The following MAPKAP1 variants were observed in gnomAD, a reference collection of about 807,000 sequenced individuals.
MAPKAP1 encodes the protein target of rapamycin complex 2 subunit MAPKAP1.
Under a neutral mutation model 65.7 loss-of-function variants are expected in MAPKAP1, and 20 were observed. The observed-to-expected ratio is 0.30, with a 90% CI of 0.21 to 0.44. The LOEUF is 0.44. Ranked by LOEUF, MAPKAP1 falls within the 20% of genes least tolerant of loss-of-function variation. The pLI, the probability that MAPKAP1 is intolerant of heterozygous loss-of-function variation, is 1.00. For synonymous variants in MAPKAP1, 222 were observed against 244.3 expected (o/e 0.91, Z 0.85); for missense variants, 423 against 648.0 (o/e 0.65, Z 3.77).
chr9:125,676,781 T>C (rs957303871), intron 1 of MAPKAP1, among the ~76,000 whole-genome samples: 1 of 152,268 alleles, frequency 6.6e-6, no homozygotes, highest in Admixed American at 6.5e-5. Context: ...TTATCATTTA[T>C]ACCATGTATA....
At chr9:125,659,104 A>G (rs1834114737) in intron 3 of MAPKAP1, among the ~76,000 whole-genome samples, 1 of 152,234 alleles carries the variant, frequency 6.6e-6, no homozygotes, top group Non-Finnish European at 1.5e-5. Context: ...TAATTCAATT[A>G]AAGTAATATT....
In MAPKAP1 at chr9:125,527,080, T is replaced by G. The variant is rs534310445; in HGVS notation, c.958+15979A>C. ...TAGTGTTTTTTTTGTTTGTTTTTTT[T>G]GGGGGATGTAGTCTCACTCTGTCAC... On this transcript the variant is annotated intron_variant, in intron 7 of 11. Coordinates refer to ENST00000265960, the MANE Select transcript of MAPKAP1 (RefSeq NM_001006617.3). 3.3e-3 allele frequency among the ~76,000 whole-genome samples: 506 copies of G among 151,440 alleles called. 3 individuals carry two copies. The highest frequency in any genetic ancestry group is 9.7e-3 in the African/African-American group (400 of 41,312).
At chr9:125,477,789 C>T (rs1490535507) in intron 9 of MAPKAP1, among the ~76,000 whole-genome samples, 2 of 152,152 alleles carry the variant, frequency 1.3e-5, no homozygotes, top group African/African-American at 2.4e-5. Flanking sequence ...CCTACCAGCC[C>T]GTTTGGGTGG....
intron 10 of MAPKAP1, among the ~76,000 whole-genome samples, chr9:125,465,515 A>G (rs16928194): frequency 0.02 from 3,049 of 152,348 alleles, 163 homozygotes; most frequent in East Asian, 0.14. Context: ...CATAAAACAC[A>G]TAACATCAAG....
At chr9:125,535,934 C>A (rs1359437807) in intron 7 of MAPKAP1, among the ~76,000 whole-genome samples, 1 of 152,048 alleles carries the variant, frequency 6.6e-6, no homozygotes, top group Non-Finnish European at 1.5e-5. Flanking sequence ...TTAATCGAAT[C>A]CACACTTATG....
chr9:125,465,610 G>A (rs933290846), intron 10 of MAPKAP1, among the ~76,000 whole-genome samples: 1 of 152,220 alleles, frequency 6.6e-6, no homozygotes, highest in East Asian at 1.9e-4. Flanking sequence ...GCTTCAGTAA[G>A]TTCAGTTTTC....
chr9:125,533,101 G>A (rs571644180), intron 7 of MAPKAP1, among the ~76,000 whole-genome samples: 15 of 152,244 alleles, frequency 9.9e-5, no homozygotes, highest in African/African-American at 3.1e-4. Context: ...GTATGTGTAC[G>A]CATACACGCC....
At chr9:125,620,020 A>T (rs1260465874) in intron 4 of MAPKAP1, among the ~76,000 whole-genome samples, 3 of 152,238 alleles carry the variant, frequency 2.0e-5, no homozygotes, top group African/African-American at 7.2e-5. Flanking sequence ...AAAATTATAC[A>T]GATTTGGGCC....
intron 4 of MAPKAP1, among the ~76,000 whole-genome samples, chr9:125,656,527 T>C (rs758489511): frequency 6.6e-6 from 1 of 152,136 alleles, no homozygotes; most frequent in Non-Finnish European, 1.5e-5. Flanking sequence ...TGGCCATACA[T>C]GCTTACTGAA....
chr9:125,612,485 T>C (rs1048887927), intron 4 of MAPKAP1, among the ~76,000 whole-genome samples: 3 of 152,214 alleles, frequency 2.0e-5, no homozygotes, highest in African/African-American at 7.2e-5. Flanking sequence ...ATTAAACTTA[T>C]CTACTAACAA....
chr9:125,640,839 C>A (rs1409685633), intron 4 of MAPKAP1, among the ~76,000 whole-genome samples: 3 of 152,162 alleles, frequency 2.0e-5, no homozygotes, highest in African/African-American at 7.2e-5. Flanking sequence ...TTTTCTTATG[C>A]AACATGTTGG....
intron 7 of MAPKAP1, among the ~76,000 whole-genome samples, chr9:125,526,766 A>AGTTTTTT (rs1373987373): frequency 3.5e-4 from 53 of 151,436 alleles, no homozygotes; most frequent in African/African-American, 1.2e-3. Flanking sequence ...GCATATATAT[A>AGTTTTTT]GTTTTCTTTT....
In MAPKAP1 at chr9:125,438,594, G is replaced by A. The variant is rs908842024; in HGVS notation, c.*293C>T. On this transcript the variant is annotated 3_prime_UTR_variant, in exon 12 of 12. Coordinates refer to ENST00000265960, the MANE Select transcript of MAPKAP1 (RefSeq NM_001006617.3). Reference sequence around the variant, plus strand: ...ACGGCTCTGTACATCCTCGGGCAGGGTGGCAGGCATTGAAGGTGGCTGGGC... The same window carrying A: ...ACGGCTCTGTACATCCTCGGGCAGGATGGCAGGCATTGAAGGTGGCTGGGC... The A allele has an allele frequency of 3.6e-5, 17 of 467,200 alleles. No homozygotes were observed. Among genetic ancestry groups the A allele is most frequent in the Middle Eastern group, 5.3e-4 (1 of 1,884 alleles). 28.9% of individuals were successfully genotyped at this position (467,200 alleles called of 1,614,324 possible). A position where few individuals can be genotyped will look rare whatever the true frequency, so the allele number is the denominator to read the frequency against.
chr9:125,679,280 G>T (rs1427469627), intron 1 of MAPKAP1, among the ~76,000 whole-genome samples: 3 of 152,160 alleles, frequency 2.0e-5, no homozygotes, highest in African/African-American at 7.2e-5. Flanking sequence ...GGAATTACAG[G>T]CGTGAGCCAC....
chr9:125,691,435 A>C (rs1381775237), intron 1 of MAPKAP1, among the ~76,000 whole-genome samples: 1 of 152,188 alleles, frequency 6.6e-6, no homozygotes, highest in African/African-American at 2.4e-5. Flanking sequence ...GTTATGTTTC[A>C]GACACAATGA....
chr9:125,598,548 C>G (rs1832207054), intron 4 of MAPKAP1, among the ~76,000 whole-genome samples: 1 of 152,092 alleles, frequency 6.6e-6, no homozygotes, highest in Non-Finnish European at 1.5e-5. Context: ...CTTGCTATAA[C>G]TAATAGAAAC....
chr9:125,583,352 T>C (rs1040053087), intron 5 of MAPKAP1, among the ~76,000 whole-genome samples: 1 of 152,220 alleles, frequency 6.6e-6, no homozygotes, highest in Admixed American at 6.5e-5. Context: ...TTAGATCTCC[T>C]TGTAAGCACC....
intron 7 of MAPKAP1, among the ~76,000 whole-genome samples, chr9:125,509,235 T>G (rs535758475): frequency 6.6e-6 from 1 of 152,192 alleles, no homozygotes; most frequent in Admixed American, 6.5e-5. Flanking sequence ...TCACGTGTAC[T>G]CCACAGATAT....
chr9:125,604,890 T>C (rs545351254), intron 4 of MAPKAP1, among the ~76,000 whole-genome samples: 74 of 152,340 alleles, frequency 4.9e-4, no homozygotes, highest in Middle Eastern at 3.4e-3. Flanking sequence ...TATAAAGAAA[T>C]GACAACTCAC....
Sources: gnomAD v4.1 joint callset for allele counts (sites outside exome capture counted in the v4.1 genomes callset) on GRCh38, gnomAD v4.1.1 for gene constraint, MANE v1.5 for transcripts, NCBI Gene and HGNC (gene_info 2026-07-23, HGNC 2026-07-21) for gene names.